RBFOX1: variants seen among roughly 807,000 people sequenced by gnomAD.
RBFOX1 encodes the protein RNA binding fox-1 homolog 1.
RBFOX1 carries 8 observed loss-of-function variants against 57.7 expected under a neutral mutation model. The ratio of observed to expected loss-of-function variants is 0.14; its 90% CI spans 0.08 to 0.25. RBFOX1 has a LOEUF of 0.25. Among genes scored for constraint, RBFOX1 ranks in the 10% least tolerant of loss-of-function variants. RBFOX1 has a pLI of 1.00. For synonymous variants in RBFOX1, 326 were observed against 222.4 expected, an observed-to-expected ratio of 1.47 and a Z score of -4.15; for missense variants, 611 against 548.5, an observed-to-expected ratio of 1.11 and a Z score of -1.14.
At chr16:7,640,273 C>T (rs913990520) in intron 11 of RBFOX1, among the ~76,000 whole-genome samples, 3 of 152,194 alleles carry the variant, frequency 2.0e-5, no homozygotes, top group Non-Finnish European at 4.4e-5. Context: ...CTCTCACCCC[C>T]AGTTGTTTAA....
chr16:6,494,851 T>G lies in RBFOX1; in HGVS notation c.-63-159752T>G, dbSNP rs148825948. 9.1e-4 allele frequency among the ~76,000 whole-genome samples: 139 copies of G among 152,336 alleles called. 2 individuals carry two copies. The East Asian group carries it at 0.024, about 26-fold the overall frequency. ...GTTTATTTTTACATAAACACGGCAC[T>G]AAATGCAGAGAATAGCCAGCATTTA... On this transcript the variant is annotated intron_variant, in intron 2 of 15. Transcript: ENST00000550418.
intron 4 of RBFOX1, among the ~76,000 whole-genome samples, chr16:5,870,983 G>A (rs980473930): frequency 1.3e-5 from 2 of 152,170 alleles, no homozygotes; most frequent in Non-Finnish European, 2.9e-5. Context: ...CAGAATCAGT[G>A]AGAATGAGTG....
intron 4 of RBFOX1, among the ~76,000 whole-genome samples, chr16:7,109,343 C>G (rs1288012098): frequency 6.6e-6 from 1 of 152,156 alleles, no homozygotes; most frequent in African/African-American, 2.4e-5. Context: ...GAACAAATCC[C>G]TGCAACCAAA....
intron 11 of RBFOX1, among the ~76,000 whole-genome samples, chr16:7,653,534 C>G (rs2065573713): frequency 6.6e-6 from 1 of 152,196 alleles, no homozygotes; most frequent in African/African-American, 2.4e-5. Context: ...AATACTCATG[C>G]AGTGAGCTTT....
chr16:5,612,635 GC>G (rs1291508580), intron 3 of RBFOX1, among the ~76,000 whole-genome samples: 3 of 152,254 alleles, frequency 2.0e-5, no homozygotes, highest in African/African-American at 7.2e-5. Flanking sequence ...AGGCCACAGG[GC>G]AAGGTCAGGC....
At chr16:6,389,113 C>T (rs754348835) in intron 2 of RBFOX1, among the ~76,000 whole-genome samples, 1 of 152,200 alleles carries the variant, frequency 6.6e-6, no homozygotes, top group Non-Finnish European at 1.5e-5. Context: ...GCAAAGTTCA[C>T]ACTGTGGCAG....
At chr16:5,929,033 TAA>T (rs3041579) in intron 4 of RBFOX1, among the ~76,000 whole-genome samples, 43 of 126,976 alleles carry the variant, frequency 3.4e-4, no homozygotes, top group Admixed American at 4.9e-4. Flanking sequence ...CTTTCCAATT[TAA>T]AAAAAAAAAA....
At chr16:6,493,188 C>T (rs945910940) in intron 2 of RBFOX1, among the ~76,000 whole-genome samples, 1 of 152,120 alleles carries the variant, frequency 6.6e-6, no homozygotes, top group Non-Finnish European at 1.5e-5. Context: ...ACCTAAATTG[C>T]TTGGAAAATA....
chr16:5,266,995 A>G (rs1339511622), intron 1 of RBFOX1, among the ~76,000 whole-genome samples: 3 of 152,126 alleles, frequency 2.0e-5, no homozygotes, highest in Non-Finnish European at 4.4e-5. Flanking sequence ...ATGAAAGCTG[A>G]TCACCTTAAT....
At chr16:7,257,180 A>T (rs2094723681) in intron 4 of RBFOX1, among the ~76,000 whole-genome samples, 1 of 152,126 alleles carries the variant, frequency 6.6e-6, no homozygotes, top group Admixed American at 6.5e-5. Context: ...CTATCAGAAA[A>T]TCTCATTAAG....
intron 4 of RBFOX1, among the ~76,000 whole-genome samples, chr16:5,983,947 C>G (rs948345491): frequency 3.5e-5 from 5 of 143,308 alleles, no homozygotes; most frequent in African/African-American, 1.3e-4. Context: ...CCTCCTCTTC[C>G]TCCTCTTCTT....
intron 3 of RBFOX1, among the ~76,000 whole-genome samples, chr16:5,865,738 T>C (rs550150996): frequency 6.6e-6 from 1 of 152,182 alleles, no homozygotes; most frequent in East Asian, 1.9e-4. Context: ...TAAAACACCA[T>C]GGACTGCAGC....
chr16:5,270,329 C>G (rs182007474), intron 1 of RBFOX1: 6 of 772,576 alleles, frequency 7.8e-6, no homozygotes, highest in East Asian at 5.0e-5. Context: ...CACCAGGACC[C>G]GAGGAACCCA....
intron 2 of RBFOX1, among the ~76,000 whole-genome samples, chr16:5,474,896 G>T (rs565659668): frequency 2.4e-4 from 37 of 152,312 alleles, no homozygotes; most frequent in African/African-American, 8.7e-4. Flanking sequence ...GACTAGCATT[G>T]GCTATGGATT....
At chr16:5,530,933 T>TAAAAAAAAAAAAAAAAAA (rs59311923) in intron 2 of RBFOX1, among the ~76,000 whole-genome samples, 2 of 54,996 alleles carry the variant, frequency 3.6e-5, no homozygotes, top group African/African-American at 7.7e-5. Flanking sequence ...ACTAAAAATA[T>TAAAAAAAAAAAAAAAAAA]AAAAAAAAAA....
chr16:5,282,144 A>G (rs1321204472), intron 1 of RBFOX1, among the ~76,000 whole-genome samples: 2 of 152,172 alleles, frequency 1.3e-5, no homozygotes, highest in African/African-American at 4.8e-5. Flanking sequence ...AGGTTTTAAA[A>G]GGAGGAGTTT....
rs1169664757 is a variant in RBFOX1 at position 5,548,024 on chromosome 16, G to C, written c.259-50878G>C. 2.6e-5 allele frequency among the ~76,000 whole-genome samples: 4 copies of C among 151,550 alleles called. No individual in the cohort carries two copies. The East Asian group carries it at 7.7e-4, about 29-fold the overall frequency. On this transcript the variant is annotated intron_variant, in intron 2 of 2. Coordinates refer to the RBFOX1 transcript ENST00000585867. ...AAAATAAAAAAAATTAACCGGGCGT[G>C]GTGGCTTGTGCCTGTAATCCCAGCT... is the stretch of plus-strand genomic sequence containing the variant.
chr16:5,874,197 A>G (rs1171034491), intron 4 of RBFOX1, among the ~76,000 whole-genome samples: 2 of 152,326 alleles, frequency 1.3e-5, no homozygotes, highest in East Asian at 3.9e-4. Context: ...TCTTAGGAGT[A>G]AACAGAAGGA....
chr16:5,841,284 G>C (rs773184877), intron 3 of RBFOX1, among the ~76,000 whole-genome samples: 3 of 152,220 alleles, frequency 2.0e-5, no homozygotes, highest in African/African-American at 4.8e-5. Flanking sequence ...AGGAGCAGCA[G>C]AGCCAGGATT....
Sources: gnomAD v4.1 joint callset for allele counts (sites outside exome capture counted in the v4.1 genomes callset) on GRCh38, gnomAD v4.1.1 for gene constraint, MANE v1.5 for transcripts, NCBI Gene and HGNC (gene_info 2026-07-23, HGNC 2026-07-21) for gene names.